CEP63: variants seen among roughly 807,000 people sequenced by gnomAD.
CEP63 encodes the protein centrosomal protein of 63 kDa.
Under a neutral mutation model 89.1 loss-of-function variants are expected in CEP63, and 84 were observed. The ratio of observed to expected loss-of-function variants is 0.94; its 90% confidence interval spans 0.79 to 1.13. The LOEUF is 1.13. CEP63 is among the 50% of genes most tolerant of loss of function. CEP63 has a pLI of 0.00. For missense variants in CEP63, 838 were observed against 813.3 expected (o/e 1.03, Z -0.37); for synonymous variants, 267 against 272.5 (o/e 0.98, Z 0.20).
At chr3:134,764,319 C>G in the CEP63 span, among the ~76,000 whole-genome samples, 1 of 152,198 alleles carries the variant, frequency 6.6e-6, no homozygotes, top group Non-Finnish European at 1.5e-5. Context: ...CCCCAGGGTC[C>G]TTTTATCCTG....
chr3:134,650,865 G>A, the CEP63 span: 1 of 1,611,836 alleles, frequency 6.2e-7, no homozygotes, highest in Non-Finnish European at 8.5e-7. Flanking sequence ...TCGCCTGCTG[G>A]TCTGAGAGCG....
chr3:134,586,520 C>T (rs578237973), intron 10 of CEP63, among the ~76,000 whole-genome samples: 3 of 152,248 alleles, frequency 2.0e-5, no homozygotes, highest in Non-Finnish European at 4.4e-5. Flanking sequence ...GAATATTGGC[C>T]CCACTCTCTT....
the CEP63 span, among the ~76,000 whole-genome samples, chr3:134,716,215 C>T: frequency 6.6e-6 from 1 of 152,202 alleles, no homozygotes; most frequent in African/African-American, 2.4e-5. Flanking sequence ...TGCCTGGAAA[C>T]AGTGCATCTC....
intron 3 of CEP63, among the ~76,000 whole-genome samples, chr3:134,510,189 C>G (rs1944502950): frequency 6.6e-6 from 1 of 152,180 alleles, no homozygotes; most frequent in African/African-American, 2.4e-5. Flanking sequence ...TTTCTTAGTG[C>G]TCAGCTGAAG....
chr3:134,682,579 G>A, the CEP63 span, among the ~76,000 whole-genome samples: 1 of 152,088 alleles, frequency 6.6e-6, no homozygotes, highest in African/African-American at 2.4e-5. Context: ...TATAACCTGT[G>A]GGATATGAAA....
chr3:134,648,142 C>T, the CEP63 span, among the ~76,000 whole-genome samples: 1 of 152,204 alleles, frequency 6.6e-6, no homozygotes, highest in Non-Finnish European at 1.5e-5. Context: ...TACGTTCTGG[C>T]AGCGGGAGCT....
the CEP63 span, among the ~76,000 whole-genome samples, chr3:134,592,819 C>G: frequency 2.0e-5 from 3 of 152,194 alleles, no homozygotes; most frequent in East Asian, 5.8e-4. Context: ...ATTTACAGCT[C>G]TCTCGAGTGG....
intron 12 of CEP63, among the ~76,000 whole-genome samples, chr3:134,555,933 T>C (rs1276862336): frequency 6.6e-6 from 1 of 151,462 alleles, no homozygotes; most frequent in Non-Finnish European, 1.5e-5. Flanking sequence ...GAGATATAGA[T>C]CAATGGAACA....
At chr3:134,769,019 T>C in the CEP63 span, among the ~76,000 whole-genome samples, 1 of 152,162 alleles carries the variant, frequency 6.6e-6, no homozygotes, top group Non-Finnish European at 1.5e-5. Context: ...AACTCAGCCC[T>C]ATAACCTGAA....
At chr3:134,715,826 C>T in the CEP63 span, among the ~76,000 whole-genome samples, 1 of 152,140 alleles carries the variant, frequency 6.6e-6, no homozygotes, top group African/African-American at 2.4e-5. Context: ...TGTTCAAGAT[C>T]TCTCTTTCCA....
At chr3:134,586,472 G>A (rs1338511804) in intron 10 of CEP63, among the ~76,000 whole-genome samples, 1 of 152,164 alleles carries the variant, frequency 6.6e-6, no homozygotes, top group South Asian at 2.1e-4. Context: ...GGCTGGAAAT[G>A]AAATTCTGGG....
In CEP63 at chr3:134,507,158, A is replaced by G. The variant is rs1435956003; in HGVS notation, c.94A>G (p.Ile32Val). 1.2e-6 allele frequency: 2 copies of G among 1,613,792 alleles called. No homozygotes were observed. The highest frequency in any genetic ancestry group is 8.5e-7 in the Non-Finnish European group (1 of 1,179,860). Residue 32 changes from isoleucine to valine, a missense_variant, in exon 3 of 15, where the codon ATT (isoleucine) becomes GTT (valine). By Grantham distance (29) the Ile-to-Val change is conservative. Coordinates refer to ENST00000675561, the MANE Select transcript of CEP63 (RefSeq NM_001353108.3). ...EAELQELMKQ[I>V]DIMVAHKKSE... is the part of the protein sequence containing the mutation. ...AGAACTACAGGAGCTCATGAAACAG[A>G]TTGACATAATGGTGGCTCATAAAAA...
At chr3:134,530,521 T>C (rs1299110311) in intron 3 of CEP63, among the ~76,000 whole-genome samples, 1 of 152,206 alleles carries the variant, frequency 6.6e-6, no homozygotes, top group Non-Finnish European at 1.5e-5. Flanking sequence ...TTTTTGTAAA[T>C]ATTTTTCTCA....
the CEP63 span, among the ~76,000 whole-genome samples, chr3:134,776,262 A>G: frequency 6.6e-6 from 1 of 152,254 alleles, no homozygotes; most frequent in African/African-American, 2.4e-5. Context: ...CAATAGAAAT[A>G]TAATGCAAGC....
At chr3:134,657,828 T>C in the CEP63 span, among the ~76,000 whole-genome samples, 3 of 152,358 alleles carry the variant, frequency 2.0e-5, no homozygotes, top group Non-Finnish European at 2.9e-5. Context: ...ATCACAAGCA[T>C]TGAAAACTAT....
At chr3:134,581,148 C>G (rs1444949204) in intron 10 of CEP63, among the ~76,000 whole-genome samples, 1 of 152,154 alleles carries the variant, frequency 6.6e-6, no homozygotes, top group Non-Finnish European at 1.5e-5. Context: ...AAGAACACAG[C>G]CCTGTTAACA....
the CEP63 span, among the ~76,000 whole-genome samples, chr3:134,678,851 C>A: frequency 6.6e-6 from 1 of 152,214 alleles, no homozygotes; most frequent in Non-Finnish European, 1.5e-5. Context: ...GGCTGATCAC[C>A]TTCTCCACCT....
chr3:134,486,471 G>T, intron 1 of CEP63: 1 of 985,610 alleles, frequency 1.0e-6, no homozygotes, highest in Non-Finnish European at 1.2e-6. Flanking sequence ...CTGGCGTGGC[G>T]CAGCCCGGCG....
the CEP63 span, among the ~76,000 whole-genome samples, chr3:134,727,074 T>C: frequency 6.6e-6 from 1 of 152,152 alleles, no homozygotes; most frequent in South Asian, 2.1e-4. Flanking sequence ...CCTGCTTAGA[T>C]TCTGATTGCC....
Sources: allele counts gnomAD v4.1 joint callset (sites outside exome capture counted in the v4.1 genomes callset), GRCh38; gene constraint gnomAD v4.1.1; transcripts MANE v1.5; gene names NCBI Gene and HGNC (gene_info 2026-07-23, HGNC 2026-07-21).